GRM8: variants seen among roughly 807,000 people sequenced by gnomAD.
GRM8 encodes metabotropic glutamate receptor 8.
Under a neutral mutation model 87.2 loss-of-function variants are expected in GRM8, and 47 were observed. That is an observed-to-expected ratio of 0.54 (90% CI 0.43 to 0.69). GRM8 has a LOEUF of 0.69. GRM8 is among the 30% of genes least tolerant of loss of function. The pLI is 0.00. For synonymous variants in GRM8, 396 were observed against 404.5 expected, an observed-to-expected ratio of 0.98 and a Z score of 0.25; for missense variants, 1,019 against 1,139.2, an observed-to-expected ratio of 0.89 and a Z score of 1.52.
Position 127,252,859 on chromosome 7 carries a change from C to A in GRM8, c.-374G>T. ...GGGGGCCCGCAGCTCCATGTCAGCGCCGCCGCCGCCGCCGCCGCCGCCGCG... is the reference window on the plus strand; with the variant it reads ...GGGGGCCCGCAGCTCCATGTCAGCGACGCCGCCGCCGCCGCCGCCGCCGCG... On this transcript the variant is annotated 5_prime_UTR_variant, in exon 1 of 11. Transcript: ENST00000339582. The surrounding 1 kb of genome is among the most constrained non-coding windows in gnomAD (Gnocchi z 4.9). The A allele has an allele frequency of 5.3e-6, 1 of 190,030 alleles. No homozygotes were observed. Among genetic ancestry groups the A allele is most frequent in the Non-Finnish European group, 1.1e-5 (1 of 94,710 alleles). The allele number at this position is 190,030 out of a possible 1,614,324, so 11.8% of individuals were successfully genotyped here.
intron 6 of GRM8, among the ~76,000 whole-genome samples, chr7:126,803,328 G>A (rs1822941843): frequency 6.6e-6 from 1 of 152,118 alleles, no homozygotes; most frequent in Non-Finnish European, 1.5e-5. Flanking sequence ...TAGCTCCATG[G>A]ATACTCTCCC....
intron 3 of GRM8, among the ~76,000 whole-genome samples, chr7:127,094,493 G>A (rs1031666031): frequency 1.3e-5 from 2 of 152,196 alleles, no homozygotes; most frequent in African/African-American, 4.8e-5. Context: ...CTGGGGAGAT[G>A]CCATGTAAAG....
At chr7:127,087,323 T>A (rs138456406) in intron 3 of GRM8, among the ~76,000 whole-genome samples, 146 of 152,332 alleles carry the variant, frequency 9.6e-4, no homozygotes, top group African/African-American at 3.4e-3. Context: ...AGACTTTTCA[T>A]ATATTTAGAA....
chr7:126,798,661 G>C (rs1365408332), intron 6 of GRM8, among the ~76,000 whole-genome samples: 1 of 152,144 alleles, frequency 6.6e-6, no homozygotes, highest in Non-Finnish European at 1.5e-5. Flanking sequence ...AAAATCAAAA[G>C]GGAAAATGGG....
intron 3 of GRM8, among the ~76,000 whole-genome samples, chr7:127,089,093 T>C (rs1246486940): frequency 6.6e-6 from 1 of 152,172 alleles, no homozygotes; most frequent in African/African-American, 2.4e-5. Flanking sequence ...ATAACTGCAG[T>C]AGGGAATTCG....
At chr7:127,114,382 A>G (rs1336914542) in intron 2 of GRM8, among the ~76,000 whole-genome samples, 1 of 152,182 alleles carries the variant, frequency 6.6e-6, no homozygotes, top group African/African-American at 2.4e-5. Context: ...TATCTCCCCA[A>G]CATGAGCTCA....
intron 6 of GRM8, among the ~76,000 whole-genome samples, chr7:126,834,783 G>A (rs1795690030): frequency 6.6e-6 from 1 of 152,138 alleles, no homozygotes; most frequent in Admixed American, 6.6e-5. Context: ...TTGTTTATAA[G>A]CTTAAAAAGG....
chr7:126,636,942 A>G (rs989864920), intron 7 of GRM8, among the ~76,000 whole-genome samples: 8 of 152,052 alleles, frequency 5.3e-5, no homozygotes, highest in Admixed American at 5.2e-4. Context: ...TCATCATCTC[A>G]ATAGCAATGA....
intron 3 of GRM8, among the ~76,000 whole-genome samples, chr7:127,046,719 A>T (rs1329204891): frequency 1.3e-5 from 2 of 152,226 alleles, no homozygotes; most frequent in Non-Finnish European, 2.9e-5. Context: ...CTTTTAAATA[A>T]TGATATACTC....
At chr7:126,791,422 A>G (rs574046120) in intron 6 of GRM8, among the ~76,000 whole-genome samples, 6 of 152,296 alleles carry the variant, frequency 3.9e-5, no homozygotes, top group African/African-American at 1.4e-4. Context: ...GTCTTATATG[A>G]GGCAGCTTTC....
chr7:127,068,005 C>A (rs543681051), intron 3 of GRM8, among the ~76,000 whole-genome samples: 1 of 152,082 alleles, frequency 6.6e-6, no homozygotes, highest in Non-Finnish European at 1.5e-5. Flanking sequence ...CCCTTTAGAC[C>A]AGTGAAAGCA....
At chr7:126,539,055 T>C (rs571366059) in intron 8 of GRM8, among the ~76,000 whole-genome samples, 16 of 152,130 alleles carry the variant, frequency 1.1e-4, no homozygotes, top group Middle Eastern at 6.8e-3. Flanking sequence ...AAATCTAATA[T>C]GCTTGAGATG....
chr7:126,861,819 G>A (rs1798162598), intron 6 of GRM8, among the ~76,000 whole-genome samples: 1 of 151,564 alleles, frequency 6.6e-6, no homozygotes, highest in Non-Finnish European at 1.5e-5. Flanking sequence ...CATTTGTTTT[G>A]TTATATAAAA....
chr7:127,067,523 T>C (rs902805251), intron 3 of GRM8, among the ~76,000 whole-genome samples: 1 of 152,216 alleles, frequency 6.6e-6, no homozygotes, highest in Non-Finnish European at 1.5e-5. Context: ...TTTAGCTTGA[T>C]TTCCGAAACT....
At chr7:126,941,142 C>T (rs1806874557) in intron 3 of GRM8, among the ~76,000 whole-genome samples, 1 of 152,096 alleles carries the variant, frequency 6.6e-6, no homozygotes, top group Non-Finnish European at 1.5e-5. Context: ...TCCCAGTGCC[C>T]TGCACTGCTT....
chr7:127,236,772 C>T (rs1798003273), intron 2 of GRM8, among the ~76,000 whole-genome samples: 1 of 152,084 alleles, frequency 6.6e-6, no homozygotes, highest in Non-Finnish European at 1.5e-5. Flanking sequence ...ATATTTCCAA[C>T]ATTGAGATTG....
chr7:126,816,355 A>G (rs1793787452), intron 6 of GRM8, among the ~76,000 whole-genome samples: 1 of 152,160 alleles, frequency 6.6e-6, no homozygotes, highest in African/African-American at 2.4e-5. Context: ...GAACTATAAC[A>G]AACTCTGAAT....
chr7:126,797,371 T>C (rs563224654), intron 6 of GRM8, among the ~76,000 whole-genome samples: 1 of 152,142 alleles, frequency 6.6e-6, no homozygotes, highest in Admixed American at 6.6e-5. Flanking sequence ...TTTACATTTT[T>C]AACATTTAAT....
At chr7:126,691,111 G>T (rs772993107) in intron 7 of GRM8, among the ~76,000 whole-genome samples, 1 of 152,158 alleles carries the variant, frequency 6.6e-6, no homozygotes, top group Non-Finnish European at 1.5e-5. Context: ...TGCCCATGGC[G>T]TCCAGGCTAT....
Sources: allele counts gnomAD v4.1 joint callset (sites outside exome capture counted in the v4.1 genomes callset), GRCh38; gene constraint gnomAD v4.1.1; non-coding constraint Gnocchi (gnomAD v3.1); transcripts MANE v1.5; gene names NCBI Gene and HGNC (gene_info 2026-07-23, HGNC 2026-07-21).